The following ZFHX3 variants were observed in gnomAD, a reference collection of about 807,000 sequenced individuals.
ZFHX3 encodes the protein zinc finger homeobox protein 3.
ZFHX3 carries 42 observed loss-of-function variants against 279.1 expected under a neutral mutation model. The observed-to-expected ratio is 0.15, with a 90% CI of 0.12 to 0.19. ZFHX3 has a LOEUF of 0.19. Among genes scored for constraint, ZFHX3 ranks in the 10% least tolerant of loss-of-function variants. The pLI is 1.00. For synonymous variants in ZFHX3, 2,293 were observed against 1,957.8 expected, an observed-to-expected ratio of 1.17 and a Z score of -4.52; for missense variants, 4,981 against 4,754.0, an observed-to-expected ratio of 1.05 and a Z score of -1.40.
intron 6 of ZFHX3, among the ~76,000 whole-genome samples, chr16:73,135,692 G>A (rs1263547845): frequency 6.6e-6 from 1 of 151,974 alleles, no homozygotes. Context: ...AGATATTTCA[G>A]GTTAAAAAAA....
intron 5 of ZFHX3, among the ~76,000 whole-genome samples, chr16:73,153,329 G>A (rs995516025): frequency 3.7e-4 from 56 of 152,278 alleles, no homozygotes; most frequent in African/African-American, 1.3e-3. Flanking sequence ...ACGTTGCCTA[G>A]GCTGATCTCA....
At chr16:73,298,672 G>A (rs2014982562) in intron 4 of ZFHX3, among the ~76,000 whole-genome samples, 1 of 152,160 alleles carries the variant, frequency 6.6e-6, no homozygotes. Flanking sequence ...AATGGATGGA[G>A]GCTGAGCTCA....
At chr16:73,857,117 A>C (rs1432738212) in intron 1 of ZFHX3, among the ~76,000 whole-genome samples, 1 of 152,208 alleles carries the variant, frequency 6.6e-6, no homozygotes, top group African/African-American at 2.4e-5. Context: ...CATGCTCAGG[A>C]AGCAAATTAG....
At chr16:73,865,984 CAAACA>C (rs1011503859) in intron 1 of ZFHX3, among the ~76,000 whole-genome samples, 1 of 151,886 alleles carries the variant, frequency 6.6e-6, no homozygotes, top group South Asian at 2.1e-4. Context: ...GACTCCGTCT[CAAACA>C]AAACAAAACA....
chr16:73,309,040 G>GA (rs1356619259), intron 4 of ZFHX3, among the ~76,000 whole-genome samples: 2 of 152,144 alleles, frequency 1.3e-5, no homozygotes, highest in African/African-American at 2.4e-5. Flanking sequence ...GTGGAACACA[G>GA]ATGGGAAGCT....
Position 73,150,633 on chromosome 16 carries a change from G to A in ZFHX3, c.-1103-6802C>T, listed in dbSNP as rs765122921. 6.6e-5 allele frequency among the ~76,000 whole-genome samples: 10 copies of A among 152,090 alleles called. No homozygotes were observed. In the East Asian group the frequency reaches 9.6e-4, roughly 15 times the overall value. On this transcript the variant is annotated intron_variant, in intron 5 of 17. Coordinates refer to the ZFHX3 transcript ENST00000641206. Reference sequence around the variant, plus strand: ...AAATCACCTTGAAAAACATTTACACGTCTTCATCTATATAATGTAAACTAA... The same window carrying A: ...AAATCACCTTGAAAAACATTTACACATCTTCATCTATATAATGTAAACTAA...
chr16:72,964,133 G>C (rs760390825), intron 1 of ZFHX3, among the ~76,000 whole-genome samples: 1 of 152,144 alleles, frequency 6.6e-6, no homozygotes, highest in East Asian at 1.9e-4. Context: ...TCCTACAGGC[G>C]ACCAGGCAGC....
At chr16:73,038,787 C>CTATTAT (rs10539654) in intron 1 of ZFHX3, among the ~76,000 whole-genome samples, 376 of 147,076 alleles carry the variant, frequency 2.6e-3, no homozygotes, top group African/African-American at 7.2e-3. Context: ...CTTTTTATTA[C>CTATTAT]TATTATTATT....
chr16:73,558,096 C>G (rs2020314440), intron 2 of ZFHX3, among the ~76,000 whole-genome samples: 1 of 152,186 alleles, frequency 6.6e-6, no homozygotes, highest in South Asian at 2.1e-4. Flanking sequence ...ATGAAGATGT[C>G]CCAGGACAAG....
chr16:72,928,056 AG>A (rs1322883296), intron 3 of ZFHX3, among the ~76,000 whole-genome samples: 2 of 140,754 alleles, frequency 1.4e-5, no homozygotes, highest in African/African-American at 5.3e-5. Flanking sequence ...TGCCAAGGCC[AG>A]GCAACGGGTT....
chr16:73,141,526 T>C (rs1966847794), intron 6 of ZFHX3, among the ~76,000 whole-genome samples: 1 of 151,762 alleles, frequency 6.6e-6, no homozygotes, highest in East Asian at 1.9e-4. Context: ...GTCTCCCGAG[T>C]AGCAGGGACT....
At chr16:73,772,640 T>C (rs544024009) in intron 1 of ZFHX3, among the ~76,000 whole-genome samples, 1 of 152,338 alleles carries the variant, frequency 6.6e-6, no homozygotes, top group South Asian at 2.1e-4. Context: ...TCTTGGCTGT[T>C]TGAATCCCTG....
At chr16:73,283,568 A>G (rs896688915) in intron 4 of ZFHX3, among the ~76,000 whole-genome samples, 83 of 152,346 alleles carry the variant, frequency 5.4e-4, no homozygotes, top group African/African-American at 1.5e-3. Context: ...ACATCCACCA[A>G]TGAAAGTTCC....
At chr16:73,854,721 C>T (rs1961676566) in intron 1 of ZFHX3, among the ~76,000 whole-genome samples, 1 of 105,500 alleles carries the variant, frequency 9.5e-6, no homozygotes, top group African/African-American at 3.6e-5. Context: ...TATCTCCCAC[C>T]TTCCACAAAA....
intron 1 of ZFHX3, among the ~76,000 whole-genome samples, chr16:73,870,804 A>G (rs766618267): frequency 1.9e-4 from 29 of 152,220 alleles, no homozygotes; most frequent in Non-Finnish European, 1.8e-4. Context: ...ATCAGCAGGT[A>G]TCAGGCAGCA....
chr16:73,095,371 C>T (rs979014795), intron 7 of ZFHX3, among the ~76,000 whole-genome samples: 1 of 152,170 alleles, frequency 6.6e-6, no homozygotes, highest in Non-Finnish European at 1.5e-5. Context: ...ATGGGCACTG[C>T]TACTAGATGG....
intron 1 of ZFHX3, among the ~76,000 whole-genome samples, chr16:73,039,817 C>T (rs561760279): frequency 6.6e-6 from 1 of 152,234 alleles, no homozygotes; most frequent in South Asian, 2.1e-4. Context: ...CAGGCATGAG[C>T]CACCATGCAC....
chr16:73,591,080 G>C (rs1388894918), intron 2 of ZFHX3, among the ~76,000 whole-genome samples: 3 of 152,128 alleles, frequency 2.0e-5, no homozygotes, highest in East Asian at 1.9e-4. Flanking sequence ...TAAGCCAAGT[G>C]TGTGCCTCAT....
chr16:73,653,026 G>C (rs2052686022), intron 2 of ZFHX3, among the ~76,000 whole-genome samples: 1 of 151,972 alleles, frequency 6.6e-6, no homozygotes, highest in Admixed American at 6.5e-5. Flanking sequence ...ATACTAAGAA[G>C]ATAGAAAAAG....
Sources: allele counts gnomAD v4.1 joint callset (sites outside exome capture counted in the v4.1 genomes callset), GRCh38; gene constraint gnomAD v4.1.1; transcripts MANE v1.5; gene names NCBI Gene and HGNC (gene_info 2026-07-23, HGNC 2026-07-21).